BEST3: variants seen among roughly 807,000 people sequenced by gnomAD.
BEST3 encodes the protein bestrophin-3.
Under a neutral mutation model 47.1 loss-of-function variants are expected in BEST3, and 50 were observed. The ratio of observed to expected loss-of-function variants is 1.06; its 90% CI spans 0.85 to 1.34. The LOEUF is 1.34. Ranked by LOEUF, BEST3 falls within the 40% of genes most tolerant of loss-of-function variation. BEST3 has a pLI of 0.00. For synonymous variants in BEST3, 282 were observed against 298.8 expected (o/e 0.94, Z 0.58); for missense variants, 765 against 817.0 (o/e 0.94, Z 0.78).
chr12:69,671,919 T>G (rs1016701524), intron 8 of BEST3, among the ~76,000 whole-genome samples: 6 of 152,192 alleles, frequency 3.9e-5, no homozygotes, highest in Non-Finnish European at 5.9e-5. Context: ...TTTTACCTGA[T>G]AGCACCTACT....
chr12:69,684,795 T>G (rs12425422), intron 4 of BEST3, among the ~76,000 whole-genome samples: 46,143 of 152,084 alleles, frequency 0.3, 8,288 homozygotes, highest in South Asian at 0.55. Flanking sequence ...TCCCTGTCAA[T>G]TGGGAAAATC....
intron 7 of BEST3, among the ~76,000 whole-genome samples, chr12:69,674,606 C>A (rs1884787443): frequency 6.6e-6 from 1 of 152,148 alleles, no homozygotes; most frequent in South Asian, 2.1e-4. Context: ...AGTCCTGAAA[C>A]CTATTTTTAT....
At chr12:69,697,910 C>T (rs955370938) in intron 1 of BEST3, 97 bp from the exon 2 acceptor site, 8 of 935,338 alleles carry the variant, frequency 8.6e-6, no homozygotes, top group Admixed American at 2.8e-5. Flanking sequence ...AAGCCAGCAA[C>T]TAGTCAGCCA....
downstream of BEST3, among the ~76,000 whole-genome samples, chr12:69,650,834 A>T (rs1270281019): frequency 2.6e-5 from 4 of 152,204 alleles, no homozygotes; most frequent in Non-Finnish European, 5.9e-5. Flanking sequence ...CTATGACAAA[A>T]AACACTGCAG....
intron 4 of BEST3, among the ~76,000 whole-genome samples, chr12:69,682,596 G>T (rs775472): frequency 0.32 from 48,524 of 151,690 alleles, 8,027 homozygotes; most frequent in East Asian, 0.49. Flanking sequence ...TTTTTAATGG[G>T]ACAGAGTCTC....
At chr12:69,672,614 A>C (rs573470173) in intron 8 of BEST3, among the ~76,000 whole-genome samples, 1 of 152,342 alleles carries the variant, frequency 6.6e-6, no homozygotes, top group Non-Finnish European at 1.5e-5. Context: ...CTCTATGCTG[A>C]GATGAAAGAG....
chr12:69,669,471 A>C (rs935410582), intron 9 of BEST3, among the ~76,000 whole-genome samples: 5 of 152,092 alleles, frequency 3.3e-5, no homozygotes, highest in Admixed American at 1.3e-4. Flanking sequence ...GACAACTGAT[A>C]ATTTTTTGCT....
In BEST3 at chr12:69,697,743, C is replaced by T. The variant is rs760007296; in HGVS notation, c.56G>A (p.Arg19Lys). The T allele has an allele frequency of 2.5e-6, 4 of 1,613,028 alleles. No individual in the cohort carries two copies. Among genetic ancestry groups the T allele is most frequent in the East Asian group, 2.2e-5 (1 of 44,832 alleles). Residue 19 changes from arginine (R) to lysine (K), a missense_variant, in exon 2 of 10, where the codon AGG (arginine) becomes AAG (lysine). Physicochemically the swap from Arg to Lys is conservative, Grantham distance 26. Coordinates refer to ENST00000330891, the MANE Select transcript of BEST3 (RefSeq NM_032735.3). ...GCTGCCTCTCCACTTGAGGAGTAAC[C>T]TATGAAATCCAAAAAAAGTTGCATT... ...VANATFFGFHRLLLKWRGSIY... is the reference protein window; with the variant it reads ...VANATFFGFHKLLLKWRGSIY...
intron 9 of BEST3, among the ~76,000 whole-genome samples, chr12:69,647,888 C>T (rs567046587): frequency 2.0e-5 from 3 of 152,212 alleles, no homozygotes; most frequent in South Asian, 2.1e-4. Context: ...AAAGAAGGAA[C>T]TCCTGAAAAT....
In BEST3 at chr12:69,654,977, A is replaced by G; in HGVS notation, c.1937T>C (p.Met646Thr). 6.2e-7 allele frequency: 1 copy of G among 1,614,048 alleles called. No individual in the cohort carries two copies. Among genetic ancestry groups the G allele is most frequent in the Non-Finnish European group, 8.5e-7 (1 of 1,179,986 alleles). ...SRVSSDMLYLMENLDTKETDI... is the reference protein window; with the variant it reads ...SRVSSDMLYLTENLDTKETDI... ...TGTTTCCTTGGTGTCCAGGTTTTCCATTAAATACAGCATATCAGAAGAGAC... is the reference window on the plus strand; with the variant it reads ...TGTTTCCTTGGTGTCCAGGTTTTCCGTTAAATACAGCATATCAGAAGAGAC... Residue 646 changes from methionine (M) to threonine (T), a missense_variant, in exon 10 of 10, where the codon ATG becomes ACG. Coordinates refer to ENST00000330891, the MANE Select transcript of BEST3 (RefSeq NM_032735.3).
At chr12:69,672,017 A>G (rs1353384265) in intron 8 of BEST3, among the ~76,000 whole-genome samples, 1 of 152,216 alleles carries the variant, frequency 6.6e-6, no homozygotes, top group African/African-American at 2.4e-5. Flanking sequence ...CACTTCTTAT[A>G]TGCCCTGGTT....
At chr12:69,664,906 G>T (rs1214472388) in intron 9 of BEST3, among the ~76,000 whole-genome samples, 1 of 152,116 alleles carries the variant, frequency 6.6e-6, no homozygotes, top group East Asian at 1.9e-4. Context: ...TATAAAGTTT[G>T]TAAGATAAAT....
At chr12:69,666,534 T>C (rs1884232317) in intron 9 of BEST3, among the ~76,000 whole-genome samples, 1 of 152,200 alleles carries the variant, frequency 6.6e-6, no homozygotes, top group Admixed American at 6.5e-5. Context: ...CAGGGCATTT[T>C]CTGGGTTACT....
intron 4 of BEST3, among the ~76,000 whole-genome samples, chr12:69,691,498 G>A (rs1425346804): frequency 6.6e-6 from 1 of 152,052 alleles, no homozygotes; most frequent in Non-Finnish European, 1.5e-5. Flanking sequence ...GAAGCCACCA[G>A]GAAAAAGCAG....
rs143890277 is a variant in BEST3, at chr12:69,680,510, A to G, written c.482-1617T>C. Reference sequence around the variant, plus strand: ...TTTTTAGTAGAGACGGGGTTTCACCATGTTAGCCAGGATGTCTCAATCTCC... The same window carrying G: ...TTTTTAGTAGAGACGGGGTTTCACCGTGTTAGCCAGGATGTCTCAATCTCC... On this transcript the variant is annotated intron_variant, in intron 4 of 9. Transcript: ENST00000330891. Among the ~76,000 whole-genome samples, 420 of 151,712 alleles carry G rather than the reference A, an allele frequency of 2.8e-3. 7 individuals carry two copies. In the East Asian group the frequency reaches 0.045, roughly 16 times the overall value.
intron 4 of BEST3, among the ~76,000 whole-genome samples, 194 bp downstream of exon 4, chr12:69,693,480 G>A (rs901053292): frequency 2.0e-5 from 3 of 152,016 alleles, no homozygotes; most frequent in Non-Finnish European, 4.4e-5. Flanking sequence ...GGCCAGGTTG[G>A]TCTCAAACTC....
chr12:69,696,529 A>T (rs1886138540), intron 2 of BEST3, among the ~76,000 whole-genome samples: 1 of 152,204 alleles, frequency 6.6e-6, no homozygotes, highest in Admixed American at 6.5e-5. Context: ...ATATTATATG[A>T]CATGTCTGAA....
downstream of BEST3, among the ~76,000 whole-genome samples, chr12:69,650,477 C>T (rs2135898271): frequency 6.6e-6 from 1 of 152,200 alleles, no homozygotes; most frequent in African/African-American, 2.4e-5. Flanking sequence ...TGTTAATAGC[C>T]CAGCACATCA....
chr12:69,671,981 C>G (rs916094696), intron 8 of BEST3, among the ~76,000 whole-genome samples: 1 of 152,162 alleles, frequency 6.6e-6, no homozygotes, highest in Non-Finnish European at 1.5e-5. Context: ...TTCTGTTAAC[C>G]CTGTAAACAC....
Sources: allele counts gnomAD v4.1 joint callset (sites outside exome capture counted in the v4.1 genomes callset), GRCh38; gene constraint gnomAD v4.1.1; transcripts MANE v1.5; gene names NCBI Gene and HGNC (gene_info 2026-07-23, HGNC 2026-07-21).